FLI1: variants seen among roughly 807,000 people sequenced by gnomAD.
FLI1 encodes the protein Fli-1 proto-oncogene, ETS transcription factor.
FLI1 carries 13 observed loss-of-function variants against 53.1 expected under a neutral mutation model. The ratio of observed to expected loss-of-function variants is 0.24; its 90% CI spans 0.16 to 0.39. The LOEUF (loss-of-function observed/expected upper bound fraction) is 0.39, where lower values mean the gene tolerates loss of function less well. Among genes scored for constraint, FLI1 ranks in the 10% least tolerant of loss-of-function variants. The pLI is 1.00. For synonymous variants in FLI1, 244 were observed against 236.7 expected, an observed-to-expected ratio of 1.03 and a Z score of -0.28; for missense variants, 424 against 600.5, an observed-to-expected ratio of 0.71 and a Z score of 3.07.
intron 5 of FLI1, among the ~76,000 whole-genome samples, chr11:128,802,179 G>A (rs1476233901): frequency 6.6e-6 from 1 of 152,176 alleles, no homozygotes; most frequent in Non-Finnish European, 1.5e-5. Flanking sequence ...TACCCCTAGG[G>A]CAGAATGCAA....
chr11:128,704,918 A>G (rs539444954), intron 1 of FLI1, among the ~76,000 whole-genome samples: 1 of 152,248 alleles, frequency 6.6e-6, no homozygotes, highest in Non-Finnish European at 1.5e-5. Flanking sequence ...ATATCTATTC[A>G]AACCTTTAAG....
chr11:128,791,251 A>T (rs941421057), intron 5 of FLI1, among the ~76,000 whole-genome samples: 3 of 152,004 alleles, frequency 2.0e-5, no homozygotes, highest in African/African-American at 7.3e-5. Flanking sequence ...TCCTTCAAAC[A>T]TGACTTGGTT....
chr11:128,745,751 C>A (rs1264214231), intron 1 of FLI1, among the ~76,000 whole-genome samples: 2 of 152,224 alleles, frequency 1.3e-5, no homozygotes, highest in East Asian at 1.9e-4. Context: ...GGCTTGTGTG[C>A]GTGAGGCAGG....
chr11:128,733,504 A>G (rs1321185680), intron 1 of FLI1, among the ~76,000 whole-genome samples: 1 of 152,196 alleles, frequency 6.6e-6, no homozygotes, highest in East Asian at 1.9e-4. Context: ...ATGCTGAGTG[A>G]ACACGGTCAA....
chr11:128,745,518 C>A (rs142960733), intron 1 of FLI1, among the ~76,000 whole-genome samples: 3 of 152,272 alleles, frequency 2.0e-5, no homozygotes, highest in Non-Finnish European at 4.4e-5. Flanking sequence ...AATACTGCAC[C>A]CTCAGGACCT....
At chr11:128,735,087 G>C (rs1939864933) in intron 1 of FLI1, among the ~76,000 whole-genome samples, 1 of 152,162 alleles carries the variant, frequency 6.6e-6, no homozygotes, top group Non-Finnish European at 1.5e-5. Flanking sequence ...CAGCAAAGTG[G>C]GGGAGGGGAA....
rs1938551356 is a variant in FLI1 at position 128,706,500 on chromosome 11, C to CAAAA, written c.18+12225_18+12226insAAAA. ...TGCCAACTTAGGATAGCCCCCTCCC[C>CAAAA]AGTAGTCTCAAAAAGAAAGAGGCCA... On this transcript the variant is annotated intron_variant, in intron 1 of 8. Transcript: ENST00000527786. 1.1e-4 allele frequency among the ~76,000 whole-genome samples: 17 copies of CAAAA among 152,256 alleles called. No individual in the cohort carries two copies. In the South Asian group the frequency reaches 3.3e-3, roughly 30 times the overall value.
chr11:128,757,318 G>T (rs1377777145), intron 1 of FLI1, among the ~76,000 whole-genome samples: 1 of 151,968 alleles, frequency 6.6e-6, no homozygotes, highest in African/African-American at 2.4e-5. Flanking sequence ...ATGAGTGGGA[G>T]GACCCAACAA....
rs538778603 is a variant in FLI1, at chr11:128,703,872, A to G, written c.18+9596A>G. 5.8e-4 allele frequency among the ~76,000 whole-genome samples: 84 copies of G among 144,398 alleles called. No individual in the cohort carries two copies. In the Middle Eastern group the frequency reaches 0.011, roughly 19 times the overall value. 94.7% of individuals were successfully genotyped at this position (144,398 alleles called of 152,430 possible). ...AAAAAAAAAAAAAAAAACAAACGTTAAGAGAGACACAGAAACAGACTTGTA... is the reference window on the plus strand; with the variant it reads ...AAAAAAAAAAAAAAAAACAAACGTTGAGAGAGACACAGAAACAGACTTGTA... On this transcript the variant is annotated intron_variant, in intron 1 of 8. Transcript: ENST00000527786.
intron 4 of FLI1, among the ~76,000 whole-genome samples, chr11:128,776,833 C>T (rs938386079): frequency 2.0e-5 from 3 of 151,932 alleles, no homozygotes; most frequent in African/African-American, 7.2e-5. Context: ...GCCGACGTTC[C>T]CCCGGCCCTG....
chr11:128,691,385 A>G (rs539360379), upstream of FLI1, among the ~76,000 whole-genome samples: 5 of 152,338 alleles, frequency 3.3e-5, no homozygotes, highest in Admixed American at 3.3e-4. Flanking sequence ...GCATGCCAAC[A>G]CTGGATGGAG....
intron 1 of FLI1, among the ~76,000 whole-genome samples, chr11:128,700,317 C>G (rs957452931): frequency 6.6e-6 from 1 of 152,160 alleles, no homozygotes; most frequent in South Asian, 2.1e-4. Context: ...GTATAACTAA[C>G]AGGGGACAGA....
chr11:128,693,836 T>C (rs970425743), upstream of FLI1: 1 of 220,142 alleles, frequency 4.5e-6, no homozygotes, highest in Non-Finnish European at 8.3e-6. Flanking sequence ...ATTTATATAG[T>C]GTGTGATGCG....
chr11:128,730,596 T>C (rs1939655858), intron 1 of FLI1, among the ~76,000 whole-genome samples: 2 of 152,196 alleles, frequency 1.3e-5, no homozygotes, highest in Non-Finnish European at 1.5e-5. Context: ...AGAACAAAGG[T>C]GGTCTGTGGT....
chr11:128,776,655 G>A (rs1262214427), intron 4 of FLI1, among the ~76,000 whole-genome samples: 1 of 152,138 alleles, frequency 6.6e-6, no homozygotes, highest in African/African-American at 2.4e-5. Context: ...TGTCTTCAGA[G>A]GAAAAAAGGT....
intron 5 of FLI1, among the ~76,000 whole-genome samples, chr11:128,799,104 G>T (rs1942548123): frequency 6.7e-6 from 1 of 149,400 alleles, no homozygotes; most frequent in South Asian, 2.1e-4. Context: ...GAGTACAATA[G>T]TGTAATCATA....
At chr11:128,743,285 C>T (rs1269743346) in intron 1 of FLI1, among the ~76,000 whole-genome samples, 12 of 151,740 alleles carry the variant, frequency 7.9e-5, no homozygotes, top group African/African-American at 2.7e-4. Context: ...GTAGTCTCAG[C>T]TACTTGGTAC....
intron 3 of FLI1, 189 bp downstream of exon 3, chr11:128,768,461 C>A: frequency 1.6e-6 from 1 of 631,600 alleles, no homozygotes; most frequent in Non-Finnish European, 2.8e-6. Context: ...ACGGGTGAAT[C>A]ACTTGTCAGG....
intron 5 of FLI1, among the ~76,000 whole-genome samples, chr11:128,802,612 C>T (rs1273856127): frequency 2.0e-5 from 3 of 152,234 alleles, no homozygotes; most frequent in African/African-American, 7.2e-5. Flanking sequence ...TATGTGAGGA[C>T]TGTAGCATTG....
Sources: gnomAD v4.1 joint callset for allele counts (sites outside exome capture counted in the v4.1 genomes callset) on GRCh38, gnomAD v4.1.1 for gene constraint, MANE v1.5 for transcripts, NCBI Gene and HGNC (gene_info 2026-07-23, HGNC 2026-07-21) for gene names.